FANCA: variants seen among roughly 807,000 people sequenced by gnomAD.
FANCA encodes the protein FA complementation group A, also known as Fanconi anemia group A protein.
In FANCA, 236 loss-of-function variants were observed where a neutral mutation model predicts 194.3. The observed-to-expected ratio is 1.21, with a 90% CI of 1.09 to 1.35. The LOEUF (loss-of-function observed/expected upper bound fraction) is 1.35, where lower values mean the gene tolerates loss of function less well. Ranked by LOEUF, FANCA falls within the 40% of genes most tolerant of loss-of-function variation. FANCA has a pLI of 0.00. For synonymous variants in FANCA, 1,014 were observed against 715.8 expected (o/e 1.42, Z -6.65); for missense variants, 2,628 against 1,813.9 (o/e 1.45, Z -8.15).
chr16:89,774,463 G>C (rs1459068141), intron 21 of FANCA, among the ~76,000 whole-genome samples: 1 of 152,080 alleles, frequency 6.6e-6, no homozygotes, highest in Admixed American at 6.5e-5. Flanking sequence ...GGGCATGGGG[G>C]CTCCCACCTG....
At chr16:89,804,773 C>A (rs1208048706) in intron 7 of FANCA, among the ~76,000 whole-genome samples, 2 of 152,134 alleles carry the variant, frequency 1.3e-5, no homozygotes, top group Non-Finnish European at 2.9e-5. Flanking sequence ...GTGGCTCACG[C>A]CTATAATCCC....
rs772736966 is a variant in FANCA at position 89,738,568 on chromosome 16, G to A, written c.*33C>T. ...TATGCTTGTAATAAATTATTTACAC[G>A]GGAGCTGGGCTGGTGTGCAGTGGCA... On this transcript the variant is annotated 3_prime_UTR_variant, in exon 43 of 43. Coordinates refer to ENST00000389301, the MANE Select transcript of FANCA (RefSeq NM_000135.4). 63 of 1,612,664 alleles carry A rather than the reference G, an allele frequency of 3.9e-5. No homozygotes were observed. Among genetic ancestry groups the A allele is most frequent in the Non-Finnish European group, 4.7e-5 (55 of 1,179,986 alleles).
chr16:89,749,962 G>A lies in FANCA; in HGVS notation c.3067-60C>T, dbSNP rs1037481527. On this transcript the variant is annotated intron_variant, in intron 31 of 42. Transcript: ENST00000389301. ...TCGGGGCTCACTGCCCAGCCAGTCG[G>A]GGACCCAGACGTCAGGGGTCAGGGA... is the stretch of plus-strand genomic sequence containing the variant. 10 of 1,592,708 alleles carry A rather than the reference G, an allele frequency of 6.3e-6. No individual in the cohort carries two copies. The African/African-American group carries it at 1.1e-4, about 17-fold the overall frequency.
At chr16:89,739,848 G>A in intron 39 of FANCA, 146 bp downstream of exon 39, 1 of 1,513,854 alleles carries the variant, frequency 6.6e-7, no homozygotes, top group African/African-American at 1.4e-5. Context: ...CTTTAAACAA[G>A]TTTGTGCTTA....
At chr16:89,752,349 C>T in intron 30 of FANCA, 127 bp from the exon 31 acceptor site, 1 of 789,100 alleles carries the variant, frequency 1.3e-6, no homozygotes, top group Non-Finnish European at 2.2e-6. Flanking sequence ...TCACATTAGT[C>T]AACAATAAAC....
intron 31 of FANCA, among the ~76,000 whole-genome samples, chr16:89,750,710 C>A (rs2038558194): frequency 6.6e-6 from 1 of 151,870 alleles, no homozygotes; most frequent in Non-Finnish European, 1.5e-5. Context: ...GAGGTAGAGG[C>A]TGCAGTGAGC....
rs545742908 is a variant in FANCA, at chr16:89,742,867, G to C, written c.3698C>G (p.Ala1233Gly). The change falls in exon 37 of 43, where the codon GCG (alanine) becomes GGG (glycine). Residue 1233 changes from alanine (A) to glycine (G), a missense_variant. Coordinates refer to ENST00000389301, the MANE Select transcript of FANCA (RefSeq NM_000135.4). ...DWLSAAALHF[A>G]IQQVREENIR... ...GTTTTCTTCCCTGACTTGTTGAATC[G>C]CAAAGTGCAGTGCAGCAGCTGAGAG... The C allele has an allele frequency of 3.7e-6, 6 of 1,613,930 alleles. No individual in the cohort carries two copies. Among genetic ancestry groups the C allele is most frequent in the Non-Finnish European group, 5.1e-6 (6 of 1,179,996 alleles).
intron 14 of FANCA, among the ~76,000 whole-genome samples, chr16:89,787,628 C>T (rs895241430): frequency 2.0e-5 from 3 of 151,818 alleles, no homozygotes; most frequent in African/African-American, 2.4e-5. Flanking sequence ...CTCAGCTGCT[C>T]GGGAAGTTGA....
intron 21 of FANCA, among the ~76,000 whole-genome samples, chr16:89,774,754 A>AAAAAAAAAAAAGC (rs34932314): frequency 6.9e-6 from 1 of 145,718 alleles, no homozygotes; most frequent in Non-Finnish European, 1.5e-5. Flanking sequence ...AAAAAAAAAA[A>AAAAAAAAAAAAGC]TCTCAACGAG....
At chr16:89,796,163 T>C (rs117114665) in intron 10 of FANCA, 145 bp from the exon 11 acceptor site, 2 of 706,124 alleles carry the variant, frequency 2.8e-6, no homozygotes, top group African/African-American at 3.5e-5. Context: ...AACCACAGAC[T>C]TGAAACTGAA....
intron 32 of FANCA, 71 bp from the exon 33 acceptor site, chr16:89,748,838 C>T: frequency 1.6e-6 from 2 of 1,286,260 alleles, no homozygotes; most frequent in East Asian, 2.4e-5. Flanking sequence ...GGCTCAGACT[C>T]TCAGAGCAGC....
At chr16:89,786,240 G>T (rs2039894190) in intron 14 of FANCA, among the ~76,000 whole-genome samples, 1 of 151,896 alleles carries the variant, frequency 6.6e-6, no homozygotes, top group Non-Finnish European at 1.5e-5. Context: ...CTGGAGCGCA[G>T]TGGCGTAATC....
At chr16:89,756,007 T>C (rs181214780) in intron 30 of FANCA, among the ~76,000 whole-genome samples, 51 of 152,296 alleles carry the variant, frequency 3.3e-4, no homozygotes, top group Middle Eastern at 6.8e-3. Context: ...AGCATGTAAC[T>C]GTATTGCATG....
intron 11 of FANCA, among the ~76,000 whole-genome samples, chr16:89,793,819 C>T (rs1000407901): frequency 2.0e-5 from 3 of 152,132 alleles, no homozygotes; most frequent in Non-Finnish European, 4.4e-5. Context: ...GGTACAATCT[C>T]GGCTCACTGC....
chr16:89,740,721 C>T (rs2062111305), intron 38 of FANCA, 83 bp downstream of exon 38: 2 of 1,177,012 alleles, frequency 1.7e-6, no homozygotes, highest in Non-Finnish European at 1.3e-6. Context: ...AGTCTGGAAA[C>T]CCTGACTTGG....
intron 38 of FANCA, chr16:89,740,379 C>T: frequency 2.0e-6 from 1 of 507,144 alleles, no homozygotes; most frequent in Non-Finnish European, 3.6e-6. Context: ...GTGGCTCATG[C>T]CTGTAATCCC....
intron 20 of FANCA, among the ~76,000 whole-genome samples, 159 bp from the exon 21 acceptor site, chr16:89,775,974 A>T (rs994490722): frequency 1.3e-4 from 19 of 151,816 alleles, no homozygotes; most frequent in Admixed American, 2.6e-4. Context: ...AATATTAAAA[A>T]ATATATATAG....
intron 26 of FANCA, among the ~76,000 whole-genome samples, chr16:89,768,422 G>T (rs1000757898): frequency 1.3e-5 from 2 of 152,126 alleles, no homozygotes; most frequent in African/African-American, 2.4e-5. Flanking sequence ...AATCCTAACT[G>T]AAGTGGGCAG....
rs1567595139 is a variant in FANCA at position 89,740,077 on chromosome 16, GC to G, written c.3850del (p.Ala1284LeufsTer12). Reference sequence around the variant, plus strand: ...GAGGATTGCTGCACAAACGTGGAAAGCCTTTGGCAGGTCTGTGGTGCTCTGT... The same window carrying G: ...GAGGATTGCTGCACAAACGTGGAAAGCTTTGGCAGGTCTGTGGTGCTCTGT... ...TSNSTTDLPK[A>X]FHVCAAILEC... On this transcript the variant is annotated frameshift_variant, in exon 39 of 43. Coordinates refer to ENST00000389301, the MANE Select transcript of FANCA (RefSeq NM_000135.4). LOFTEE classifies it high-confidence loss of function. The G allele has an allele frequency of 6.2e-7, 1 of 1,614,200 alleles. No homozygotes were observed. The highest frequency in any genetic ancestry group is 1.1e-5 in the South Asian group (1 of 91,088).
Sources: gnomAD v4.1 joint callset for allele counts (sites outside exome capture counted in the v4.1 genomes callset) on GRCh38, gnomAD v4.1.1 for gene constraint, MANE v1.5 for transcripts, NCBI Gene and HGNC (gene_info 2026-07-23, HGNC 2026-07-21) for gene names.